CD1A: variants seen among roughly 807,000 people sequenced by gnomAD.
CD1A encodes T-cell surface glycoprotein CD1a.
Under a neutral mutation model 38.3 loss-of-function variants are expected in CD1A, and 50 were observed. The observed-to-expected ratio is 1.30, with a 90% CI of 1.04 to 1.65. The LOEUF is 1.65. Among genes scored for constraint, CD1A ranks in the 40% most tolerant of loss-of-function variants. The pLI, the probability that CD1A is intolerant of heterozygous loss-of-function variation, is 0.00. For synonymous variants in CD1A, 160 were observed against 150.8 expected (o/e 1.06, Z -0.45); for missense variants, 459 against 406.1 (o/e 1.13, Z -1.12).
intron 1 of CD1A, 123 bp from the exon 2 acceptor site, chr1:158,254,961 T>C: frequency 9.6e-7 from 1 of 1,038,398 alleles, no homozygotes; most frequent in Admixed American, 2.0e-5. Context: ...CAAGTGAATG[T>C]CTGCTAAGAT....
chr1:158,251,774 T>C (rs898449347), upstream of CD1A, among the ~76,000 whole-genome samples: 4 of 152,130 alleles, frequency 2.6e-5, no homozygotes, highest in East Asian at 7.7e-4. Flanking sequence ...TCTTTCCCAT[T>C]GTTTTTCTTC....
chr1:158,248,426 A>T, the CD1A span: 1 of 985,166 alleles, frequency 1.0e-6, no homozygotes, highest in Non-Finnish European at 1.2e-6. Flanking sequence ...GTGCTGCTAC[A>T]GTGAACAGGA....
chr1:158,257,602 C>T lies in CD1A; in HGVS notation c.975-79C>T. The T allele has an allele frequency of 5.1e-6, 8 of 1,566,716 alleles. 1 individual carries two copies. The South Asian group carries it at 8.9e-5, about 17-fold the overall frequency. ...GTTTTTCTCTCCTCAGTTCTTCTCT[C>T]CCCAGTCCCCTTCCCTCTTGCTCCT... On this transcript the variant is annotated intron_variant, in intron 5 of 5. Coordinates refer to ENST00000289429, the MANE Select transcript of CD1A (RefSeq NM_001763.3).
chr1:158,251,300 C>T (rs372000940), upstream of CD1A, among the ~76,000 whole-genome samples: 1 of 152,172 alleles, frequency 6.6e-6, no homozygotes, highest in East Asian at 1.9e-4. Context: ...AGAAAATCCA[C>T]GTGTGAGTAA....
chr1:158,257,303 A>G (rs1191166821), intron 4 of CD1A, 118 bp from the exon 5 acceptor site: 3 of 973,706 alleles, frequency 3.1e-6, no homozygotes, highest in African/African-American at 3.3e-5. Flanking sequence ...AAAAAAGGAG[A>G]TTGGTAAGTT....
chr1:158,254,030 GGTTTTTT>G (rs1650783197), upstream of CD1A: 13 of 45,824 alleles, frequency 2.8e-4, 2 homozygotes, highest in African/African-American at 1.1e-3. Context: ...GTGTTCCTGT[GGTTTTTT>G]TTTTTTTTTT....
chr1:158,250,312 G>T (rs1351038757), upstream of CD1A, among the ~76,000 whole-genome samples: 1 of 152,174 alleles, frequency 6.6e-6, no homozygotes. Flanking sequence ...CCACATGTCA[G>T]CAAAGAAGCC....
At chr1:158,254,951 C>A in intron 1 of CD1A, 133 bp from the exon 2 acceptor site, 1 of 977,878 alleles carries the variant, frequency 1.0e-6, no homozygotes, top group Non-Finnish European at 1.5e-6. Flanking sequence ...GACTGTGTGG[C>A]AAGTGAATGT....
In CD1A at chr1:158,257,984, TC is replaced by T; in HGVS notation, c.*295del. ...CACATGTTCAACTATTAATGGATCA[TC>T]AGGCCTGTTTTAGATATCCCTTACT... On this transcript the variant is annotated 3_prime_UTR_variant, in exon 6 of 6. Coordinates refer to ENST00000289429, the MANE Select transcript of CD1A (RefSeq NM_001763.3). 1 of 381,388 alleles carries T rather than the reference TC, an allele frequency of 2.6e-6. No homozygotes were observed. Among genetic ancestry groups the T allele is most frequent in the South Asian group, 3.9e-5 (1 of 25,866 alleles). The allele number at this position is 381,388 out of a possible 1,614,324, so 23.6% of individuals were successfully genotyped here. A position where few individuals can be genotyped will look rare whatever the true frequency, so the allele number is the denominator to read the frequency against.
At chr1:158,254,967 A>G in intron 1 of CD1A, 117 bp from the exon 2 acceptor site, 1 of 1,086,872 alleles carries the variant, frequency 9.2e-7, no homozygotes, top group South Asian at 1.5e-5. Flanking sequence ...AATGTCTGCT[A>G]AGATCATGAT....
Position 158,255,286 on chromosome 1 carries a change from C to G in CD1A, c.261C>G (p.Phe87Leu). 6.2e-7 allele frequency: 1 copy of G among 1,614,140 alleles called. No individual in the cohort carries two copies. The highest frequency in any genetic ancestry group is 8.5e-7 in the Non-Finnish European group (1 of 1,180,008). ...AGTGGAAGGAACTGGAAACATTATT[C>G]CGTATACGCACCATTCGGTCATTTG... ...NEEWKELETL[F>L]RIRTIRSFEG... is the part of the protein sequence containing the mutation. Residue 87 changes from phenylalanine (F) to leucine (L), a missense_variant, in exon 2 of 6, where the codon TTC (phenylalanine) becomes TTG (leucine). Coordinates refer to ENST00000289429, the MANE Select transcript of CD1A (RefSeq NM_001763.3).
upstream of CD1A, chr1:158,254,030 G>GTTTTTTTTTTTTTTTTTTTT (rs1398850181): frequency 4.4e-5 from 2 of 45,796 alleles, no homozygotes; most frequent in African/African-American, 8.5e-5. Flanking sequence ...GTGTTCCTGT[G>GTTTTTTTTTTTTTTTTTTTT]GTTTTTTTTT....
the CD1A span, among the ~76,000 whole-genome samples, chr1:158,248,773 C>G: frequency 2.0e-5 from 3 of 152,142 alleles, no homozygotes; most frequent in Non-Finnish European, 4.4e-5. Flanking sequence ...TCAGCACCCC[C>G]AGCCAGCTCC....
chr1:158,256,074 G>A lies in CD1A; in HGVS notation c.396G>A (p.Gln132=). Residue 132 remains glutamine, a synonymous_variant, in exon 3 of 6, where the codon CAG becomes CAA. Transcript: ENST00000289429. ...HSGKVSGSFL[Q]LAYQGSDFVS... ...GAAAGGTCTCAGGAAGCTTCTTGCA[G>A]TTAGCTTATCAAGGATCAGACTTTG... is the stretch of plus-strand genomic sequence containing the variant. 6.2e-7 allele frequency: 1 copy of A among 1,614,154 alleles called. No individual in the cohort carries two copies. Among genetic ancestry groups the A allele is most frequent in the Non-Finnish European group, 8.5e-7 (1 of 1,180,010 alleles).
At position 158,255,264 on chromosome 1, in the gene CD1A, G is replaced by A. The variant is rs1161675482; in HGVS notation, c.239G>A (p.Trp80Ter). ...AGGGGAAACTTCAGCAATGAGGAGT[G>A]GAAGGAACTGGAAACATTATTCCGT... ...WSRGNFSNEE[W>*]KELETLFRIR... Residue 80 changes from tryptophan (W) to a stop codon, truncating the protein, a stop_gained, in exon 2 of 6, where the codon TGG becomes TAG. Transcript: ENST00000289429. LOFTEE classifies it high-confidence loss of function. 1.2e-6 allele frequency: 2 copies of A among 1,614,138 alleles called. No individual in the cohort carries two copies. Among genetic ancestry groups the A allele is most frequent in the East Asian group, 4.5e-5 (2 of 44,882 alleles).
At chr1:158,255,842 C>A (rs1169948689) in intron 2 of CD1A, among the ~76,000 whole-genome samples, 162 bp from the exon 3 acceptor site, 4 of 152,182 alleles carry the variant, frequency 2.6e-5, no homozygotes, top group Non-Finnish European at 4.4e-5. Flanking sequence ...CCTCCACCTA[C>A]AGCTCCCACC....
At position 158,256,010 on chromosome 1, in the gene CD1A, T is replaced by C. The variant is rs373036607; in HGVS notation, c.332T>C (p.Phe111Ser). 18 of 1,612,544 alleles carry C rather than the reference T, an allele frequency of 1.1e-5. No individual in the cohort carries two copies. The African/African-American group carries it at 2.1e-4, about 19-fold the overall frequency. The change falls in exon 3 of 6, where the codon TTT becomes TCT. Residue 111 changes from phenylalanine to serine, a missense_variant. Transcript: ENST00000289429. Reference sequence around the variant, plus strand: ...CTCTATTTCATAACCCCAGATCCTTTTGAGATACAGGTGACAGGAGGCTGT... The same window carrying C: ...CTCTATTTCATAACCCCAGATCCTTCTGAGATACAGGTGACAGGAGGCTGT... Reference protein sequence around the residue: ...YAHELQFEYPFEIQVTGGCEL... With the variant: ...YAHELQFEYPSEIQVTGGCEL...
chr1:158,253,152 C>CA (rs948632398), upstream of CD1A, among the ~76,000 whole-genome samples: 6 of 151,660 alleles, frequency 4.0e-5, no homozygotes, highest in African/African-American at 1.5e-4. Flanking sequence ...TTTTGAAAAC[C>CA]AAAAAATAGT....
intron 4 of CD1A, 56 bp downstream of exon 4, chr1:158,257,120 G>A (rs1399831119): frequency 1.9e-6 from 3 of 1,539,120 alleles, no homozygotes; most frequent in Non-Finnish European, 2.6e-6. Context: ...CTCAGGCATA[G>A]AGGGAGGGCA....
Sources: gnomAD v4.1 joint callset for allele counts (sites outside exome capture counted in the v4.1 genomes callset) on GRCh38, gnomAD v4.1.1 for gene constraint, MANE v1.5 for transcripts, NCBI Gene and HGNC (gene_info 2026-07-23, HGNC 2026-07-21) for gene names.